PTPRD: variants seen among roughly 807,000 people sequenced by gnomAD.
PTPRD encodes protein tyrosine phosphatase receptor type D, also known as receptor-type tyrosine-protein phosphatase delta.
A neutral mutation model predicts 214.5 loss-of-function variants in PTPRD; 34 were observed. The observed-to-expected ratio is 0.16, with a 90% CI of 0.12 to 0.21. The LOEUF is 0.21. Among genes scored for constraint, PTPRD ranks in the 10% least tolerant of loss-of-function variants. The pLI is 1.00. For synonymous variants in PTPRD, 1,128 were observed against 845.7 expected, an observed-to-expected ratio of 1.33 and a Z score of -5.79; for missense variants, 2,545 against 2,398.7, an observed-to-expected ratio of 1.06 and a Z score of -1.27.
chr9:9,576,588 G>C (rs1045961750), intron 7 of PTPRD, among the ~76,000 whole-genome samples: 2 of 152,048 alleles, frequency 1.3e-5, no homozygotes, highest in African/African-American at 4.8e-5. Flanking sequence ...CTTCTTTCTT[G>C]CCCTCCCTTT....
chr9:9,723,873 C>G (rs2098021212), intron 7 of PTPRD, among the ~76,000 whole-genome samples: 1 of 152,000 alleles, frequency 6.6e-6, no homozygotes, highest in Admixed American at 6.6e-5. Context: ...ATCCTGAAAC[C>G]TTGCTGAACT....
At chr9:8,491,010 C>A (rs1466841328) in intron 27 of PTPRD, among the ~76,000 whole-genome samples, 1 of 152,182 alleles carries the variant, frequency 6.6e-6, no homozygotes, top group Non-Finnish European at 1.5e-5. Context: ...GTAGACAAAA[C>A]AAATTGATAT....
At chr9:9,253,450 C>G (rs2099976297) in intron 9 of PTPRD, among the ~76,000 whole-genome samples, 1 of 151,924 alleles carries the variant, frequency 6.6e-6, no homozygotes. Context: ...CAAAAGTTGG[C>G]ATATTCATTA....
chr9:10,215,929 T>C (rs143126746), intron 3 of PTPRD, among the ~76,000 whole-genome samples: 9 of 152,078 alleles, frequency 5.9e-5, no homozygotes, highest in Middle Eastern at 3.4e-3. Context: ...AGACAACATA[T>C]AAATCAGAGG....
intron 9 of PTPRD, among the ~76,000 whole-genome samples, chr9:9,264,880 G>A (rs570369141): frequency 1.0e-4 from 14 of 140,022 alleles, no homozygotes; most frequent in African/African-American, 2.9e-4. Context: ...GTGGAATGAC[G>A]TATTCAAAGT....
At chr9:9,795,310 T>C (rs930915288) in intron 5 of PTPRD, among the ~76,000 whole-genome samples, 3 of 152,114 alleles carry the variant, frequency 2.0e-5, no homozygotes, top group African/African-American at 7.2e-5. Context: ...AACTATCCCA[T>C]TGTAGGGAAA....
In PTPRD at chr9:9,952,711, C is replaced by T. The variant is rs551147897; in HGVS notation, c.-471-14101G>A. ...CTATTCACTGGGGAAAGGTGAATGC[C>T]CAGAAATTTAAAAGATGGTTAGAAC... On this transcript the variant is annotated intron_variant, in intron 4 of 45. Transcript: ENST00000381196. 3.9e-5 allele frequency among the ~76,000 whole-genome samples: 6 copies of T among 151,954 alleles called. No homozygotes were observed. The South Asian group carries it at 1.3e-3, about 32-fold the overall frequency.
At chr9:8,581,912 C>A (rs1379424474) in intron 14 of PTPRD, among the ~76,000 whole-genome samples, 1 of 9,192 alleles carries the variant, frequency 1.1e-4, no homozygotes, top group African/African-American at 6.2e-4. Flanking sequence ...GACTCAATCT[C>A]CAAAAAAAAA....
intron 6 of PTPRD, among the ~76,000 whole-genome samples, chr9:9,764,832 T>A (rs2098693271): frequency 6.6e-6 from 1 of 152,146 alleles, no homozygotes; most frequent in Non-Finnish European, 1.5e-5. Context: ...TGCCTCACAG[T>A]GTAATAACAC....
At chr9:10,086,626 T>G (rs572197410) in intron 3 of PTPRD, among the ~76,000 whole-genome samples, 1 of 151,928 alleles carries the variant, frequency 6.6e-6, no homozygotes, top group Non-Finnish European at 1.5e-5. Flanking sequence ...GGATTAAGGT[T>G]AAGTTCAAGT....
At chr9:10,418,362 T>C (rs1052304312) in intron 2 of PTPRD, among the ~76,000 whole-genome samples, 5 of 151,376 alleles carry the variant, frequency 3.3e-5, no homozygotes, top group African/African-American at 4.8e-5. Context: ...CCTTGGTTAA[T>C]TAAACAGAAA....
intron 9 of PTPRD, among the ~76,000 whole-genome samples, chr9:9,210,207 G>T (rs112036889): frequency 1.1e-4 from 16 of 152,224 alleles, no homozygotes; most frequent in African/African-American, 3.9e-4. Context: ...CACTAGATGT[G>T]CAGAAATGCA....
chr9:10,598,697 T>TGTGTGTGTG (rs55658943), intron 2 of PTPRD, among the ~76,000 whole-genome samples: 1 of 96,672 alleles, frequency 1.0e-5, no homozygotes, highest in African/African-American at 3.6e-5. Flanking sequence ...TGTGTGTGTG[T>TGTGTGTGTG]GTGTGTGGTG....
At chr9:10,220,681 G>A (rs2099568030) in intron 3 of PTPRD, among the ~76,000 whole-genome samples, 1 of 151,750 alleles carries the variant, frequency 6.6e-6, no homozygotes, top group African/African-American at 2.4e-5. Context: ...CAAGAATGGT[G>A]CATTGTAAAA....
intron 12 of PTPRD, among the ~76,000 whole-genome samples, chr9:8,708,972 T>G (rs1274162055): frequency 6.6e-6 from 1 of 152,038 alleles, no homozygotes; most frequent in African/African-American, 2.4e-5. Context: ...TGGAGACCAT[T>G]ATGGCAAGTG....
In PTPRD at chr9:10,456,872, A is replaced by G. The variant is rs551660659; in HGVS notation, c.-599-115855T>C. ...ATTGCATATATATAGGCTGCCCCCA[A>G]TTCATGAACAGGTAGTAGTCCAAAA... On this transcript the variant is annotated intron_variant, in intron 2 of 45. Coordinates refer to ENST00000381196, the MANE Select transcript of PTPRD (RefSeq NM_002839.4). Among the ~76,000 whole-genome samples the G allele has an allele frequency of 5.3e-5, 8 of 151,960 alleles. No homozygotes were observed. In the South Asian group the frequency reaches 1.5e-3, roughly 28 times the overall value.
At chr9:8,719,044 G>A (rs911170215) in intron 12 of PTPRD, among the ~76,000 whole-genome samples, 7 of 151,970 alleles carry the variant, frequency 4.6e-5, no homozygotes, top group African/African-American at 9.7e-5. Context: ...CTCAGGCTTC[G>A]AGACCCATGA....
intron 10 of PTPRD, among the ~76,000 whole-genome samples, chr9:9,066,390 T>G (rs1342593579): frequency 6.6e-6 from 1 of 152,156 alleles, no homozygotes; most frequent in Non-Finnish European, 1.5e-5. Flanking sequence ...TTCATTTTGG[T>G]AGTCTGTGTT....
chr9:9,838,168 T>C (rs1159932207), intron 5 of PTPRD, among the ~76,000 whole-genome samples: 1 of 152,136 alleles, frequency 6.6e-6, no homozygotes, highest in Non-Finnish European at 1.5e-5. Flanking sequence ...CAGTCTATCA[T>C]TGTTGGACAT....
Sources: allele counts gnomAD v4.1 joint callset (sites outside exome capture counted in the v4.1 genomes callset), GRCh38; gene constraint gnomAD v4.1.1; transcripts MANE v1.5; gene names NCBI Gene and HGNC (gene_info 2026-07-23, HGNC 2026-07-21).